Variants in ERP44 observed in about 807,000 individuals in gnomAD.
ERP44 encodes endoplasmic reticulum resident protein 44.
A neutral mutation model predicts 53.4 loss-of-function variants in ERP44; 25 were observed. That is an observed-to-expected ratio of 0.47 (90% CI 0.34 to 0.65). ERP44 has a LOEUF of 0.65. Ranked by LOEUF, ERP44 falls within the 30% of genes least tolerant of loss-of-function variation. The pLI is 0.01. For missense variants in ERP44, 338 were observed against 493.2 expected, an observed-to-expected ratio of 0.69 and a Z score of 2.98; for synonymous variants, 145 against 161.2, an observed-to-expected ratio of 0.90 and a Z score of 0.76.
chr9:100,066,682 G>A (rs1032839167), intron 1 of ERP44, among the ~76,000 whole-genome samples: 1 of 152,152 alleles, frequency 6.6e-6, no homozygotes, highest in African/African-American at 2.4e-5. Context: ...TGAGACCTAG[G>A]CTGCTTCTCC....
chr9:100,061,601 T>C (rs1826150939), intron 1 of ERP44, among the ~76,000 whole-genome samples: 1 of 147,224 alleles, frequency 6.8e-6, no homozygotes, highest in South Asian at 2.1e-4. Context: ...TATAGAAATA[T>C]ATATATTTAT....
At chr9:100,025,921 G>A (rs1830645912) in intron 4 of ERP44, among the ~76,000 whole-genome samples, 1 of 152,142 alleles carries the variant, frequency 6.6e-6, no homozygotes, top group African/African-American at 2.4e-5. Flanking sequence ...AAGCAAAAAT[G>A]TGTTGGTCCT....
chr9:100,074,321 A>G (rs1255598333), intron 1 of ERP44, among the ~76,000 whole-genome samples: 2 of 152,098 alleles, frequency 1.3e-5, no homozygotes, highest in African/African-American at 4.8e-5. Context: ...AAAACGTTCA[A>G]GACTGCTGGG....
intron 4 of ERP44, among the ~76,000 whole-genome samples, chr9:100,047,357 C>G: frequency 6.6e-6 from 1 of 152,142 alleles, no homozygotes; most frequent in Non-Finnish European, 1.5e-5. Flanking sequence ...AAGTGTGGAA[C>G]TGGCATAAAA....
At chr9:100,098,731 G>A (rs1370234361) in intron 1 of ERP44, 53 bp downstream of exon 1, 18 of 1,478,594 alleles carry the variant, frequency 1.2e-5, no homozygotes, top group Non-Finnish European at 1.7e-5. Flanking sequence ...CCCTGGGCGA[G>A]GGCCGGAGGC....
chr9:100,090,748 CAA>C (rs572018205), intron 1 of ERP44, among the ~76,000 whole-genome samples: 2 of 140,490 alleles, frequency 1.4e-5, no homozygotes. Context: ...GACTCTGTTT[CAA>C]AAAAAAAAAA....
intron 10 of ERP44, chr9:99,998,913 T>TTGG: frequency 6.3e-7 from 1 of 1,596,440 alleles, no homozygotes; most frequent in Non-Finnish European, 8.6e-7. Flanking sequence ...AGTCTCAGGG[T>TTGG]TGGCACTGGT....
intron 10 of ERP44, among the ~76,000 whole-genome samples, chr9:100,001,956 C>A (rs891536745): frequency 1.3e-5 from 2 of 151,776 alleles, no homozygotes; most frequent in African/African-American, 4.8e-5. Context: ...GGCTTTATTC[C>A]TTAATTTTTA....
intron 4 of ERP44, among the ~76,000 whole-genome samples, chr9:100,024,569 T>A (rs1830631952): frequency 6.6e-6 from 1 of 151,188 alleles, no homozygotes; most frequent in African/African-American, 2.4e-5. Flanking sequence ...TATACTTTGG[T>A]TTTATAGTTT....
At chr9:100,045,975 G>A (rs1402797696) in intron 4 of ERP44, among the ~76,000 whole-genome samples, 1 of 152,082 alleles carries the variant, frequency 6.6e-6, no homozygotes, top group Non-Finnish European at 1.5e-5. Context: ...TCTATGGACT[G>A]TATTTATAAA....
chr9:99,988,755 T>C (rs1473206952), intron 10 of ERP44, among the ~76,000 whole-genome samples: 1 of 152,150 alleles, frequency 6.6e-6, no homozygotes, highest in African/African-American at 2.4e-5. Context: ...GCACAAGGGA[T>C]TGGGGGATTT....
Position 99,982,702 on chromosome 9 carries a change from A to T in ERP44, c.1131T>A (p.Asp377Glu). 2 of 1,602,990 alleles carry T rather than the reference A, an allele frequency of 1.2e-6. No individual in the cohort carries two copies. The highest frequency in any genetic ancestry group is 1.7e-6 in the Non-Finnish European group (2 of 1,176,102). ...TDTAPGEQAQ[D>E]VASSPPESSF... ...AGCTCTCAGGTGGACTGCTTGCTACATCTTGGGCTTGCTACAAAAGAAAGA... is the reference window on the plus strand; with the variant it reads ...AGCTCTCAGGTGGACTGCTTGCTACTTCTTGGGCTTGCTACAAAAGAAAGA... The change falls in exon 12 of 12, where the codon GAT (aspartate) becomes GAA (glutamate). Residue 377 changes from aspartate to glutamate, a missense_variant. Transcript: ENST00000262455.
chr9:100,052,828 A>G (rs950195197), intron 3 of ERP44, among the ~76,000 whole-genome samples: 2 of 152,230 alleles, frequency 1.3e-5, no homozygotes, highest in Non-Finnish European at 1.5e-5. Context: ...TCATAAAACA[A>G]GTCTGAAATA....
intron 4 of ERP44, among the ~76,000 whole-genome samples, chr9:100,038,988 T>C (rs1825874005): frequency 6.6e-6 from 1 of 152,128 alleles, no homozygotes; most frequent in Non-Finnish European, 1.5e-5. Context: ...ATGTAATGCA[T>C]GTAATACAAT....
chr9:100,060,684 G>C (rs569235778), intron 1 of ERP44, among the ~76,000 whole-genome samples: 2 of 152,270 alleles, frequency 1.3e-5, no homozygotes, highest in African/African-American at 4.8e-5. Context: ...TGTTACATGA[G>C]AGGCTATTAA....
intron 1 of ERP44, among the ~76,000 whole-genome samples, chr9:100,083,245 G>A (rs1826447096): frequency 6.6e-6 from 1 of 151,820 alleles, no homozygotes; most frequent in South Asian, 2.1e-4. Context: ...GCAAAAGATT[G>A]GAAACAACCT....
At chr9:99,987,216 T>C (rs191261396) in intron 10 of ERP44, among the ~76,000 whole-genome samples, 2 of 152,340 alleles carry the variant, frequency 1.3e-5, no homozygotes, top group African/African-American at 4.8e-5. Context: ...AGAGCTCTTA[T>C]CTAGCTTGTG....
At chr9:100,025,877 A>C (rs1303535840) in intron 4 of ERP44, among the ~76,000 whole-genome samples, 4 of 152,206 alleles carry the variant, frequency 2.6e-5, no homozygotes. Context: ...GGAATCTACA[A>C]ATGGATTTCC....
In ERP44 at chr9:100,090,888, TTTTTA is replaced by T. The variant is rs549949900; in HGVS notation, c.57+7891_57+7895del. Among the ~76,000 whole-genome samples, 11 of 152,092 alleles carry T rather than the reference TTTTTA, an allele frequency of 7.2e-5. No homozygotes were observed. In the East Asian group the frequency reaches 2.1e-3, roughly 29 times the overall value. On this transcript the variant is annotated intron_variant, in intron 1 of 11. Coordinates refer to ENST00000262455, the MANE Select transcript of ERP44 (RefSeq NM_015051.3). Reference sequence around the variant, plus strand: ...ATAATCTATATTCCTAATGACCTCTTTTTTATTTTTAAAAATTTATTTTTCCCAGA... The same window carrying T: ...ATAATCTATATTCCTAATGACCTCTTTTTTTAAAAATTTATTTTTCCCAGA...
Sources: allele counts gnomAD v4.1 joint callset (sites outside exome capture counted in the v4.1 genomes callset), GRCh38; gene constraint gnomAD v4.1.1; transcripts MANE v1.5; gene names NCBI Gene and HGNC (gene_info 2026-07-23, HGNC 2026-07-21).